SEL1L: variants seen among roughly 807,000 people sequenced by gnomAD.
SEL1L encodes the protein protein sel-1 homolog 1.
A neutral mutation model predicts 109.8 loss-of-function variants in SEL1L; 52 were observed. The observed-to-expected ratio is 0.47, with a 90% confidence interval of 0.38 to 0.60. SEL1L has a LOEUF of 0.60. Among genes scored for constraint, SEL1L ranks in the 20% least tolerant of loss-of-function variants. The probability of loss-of-function intolerance (pLI) is 0.00; values close to 1 mark genes in which losing one functional copy is unlikely to be tolerated. For synonymous variants in SEL1L, 373 were observed against 339.6 expected (o/e 1.10, Z -1.08); for missense variants, 749 against 962.2 (o/e 0.78, Z 2.93).
intron 3 of SEL1L, among the ~76,000 whole-genome samples, chr14:81,521,971 G>A (rs1884922607): frequency 6.6e-6 from 1 of 152,012 alleles, no homozygotes; most frequent in Non-Finnish European, 1.5e-5. Flanking sequence ...GTAGGCGTAG[G>A]CTAATGTGTA....
At chr14:81,502,968 A>C (rs1884075267) in intron 5 of SEL1L, 85 bp from the exon 6 acceptor site, 2 of 1,069,022 alleles carry the variant, frequency 1.9e-6, no homozygotes, top group African/African-American at 3.2e-5. Flanking sequence ...ACGCAACATA[A>C]ATAATTTCCT....
At chr14:81,490,658 TG>T (rs1883505078) in intron 12 of SEL1L, among the ~76,000 whole-genome samples, 193 bp from the exon 13 acceptor site, 1 of 152,186 alleles carries the variant, frequency 6.6e-6, no homozygotes, top group Non-Finnish European at 1.5e-5. Context: ...CCCAGCACTT[TG>T]GGAGGCCAAG....
At chr14:81,492,028 A>AT (rs201879142) in intron 12 of SEL1L, among the ~76,000 whole-genome samples, 2,214 of 146,344 alleles carry the variant, frequency 0.015, 23 homozygotes, top group Middle Eastern at 0.06. Flanking sequence ...AGCAAACACT[A>AT]TTTTTTTTTT....
At chr14:81,519,313 T>C (rs1323026493) in intron 3 of SEL1L, among the ~76,000 whole-genome samples, 1 of 152,246 alleles carries the variant, frequency 6.6e-6, no homozygotes, top group Non-Finnish European at 1.5e-5. Context: ...TCTTCCACTA[T>C]GACAAATTAT....
At chr14:81,527,965 T>C (rs1885177194) in intron 1 of SEL1L, among the ~76,000 whole-genome samples, 1 of 152,116 alleles carries the variant, frequency 6.6e-6, no homozygotes, top group Non-Finnish European at 1.5e-5. Context: ...AGAAAAGACA[T>C]TAGCTCCATC....
chr14:81,493,506 C>G (rs1190608724), intron 11 of SEL1L, among the ~76,000 whole-genome samples: 3 of 117,042 alleles, frequency 2.6e-5, no homozygotes, highest in African/African-American at 1.0e-4. Context: ...TGAACCCTGT[C>G]TCAAAATAAA....
chr14:81,477,286 T>G (rs777823794), intron 20 of SEL1L, 105 bp from the exon 21 acceptor site: 90 of 933,962 alleles, frequency 9.6e-5, no homozygotes, highest in Non-Finnish European at 1.3e-4. Flanking sequence ...AATAATTTGT[T>G]TTAAAAACGT....
intron 3 of SEL1L, among the ~76,000 whole-genome samples, chr14:81,521,170 T>TA (rs1884893161): frequency 6.6e-6 from 1 of 152,216 alleles, no homozygotes; most frequent in Non-Finnish European, 1.5e-5. Context: ...GTATGAAAGA[T>TA]ACATTTCCTA....
At position 81,517,292 on chromosome 14, in the gene SEL1L, T is replaced by C. The variant is rs75497181; in HGVS notation, c.340+9441A>G. ...CTAAAATGAGGGAAAAGGCAGTGTA[T>C]TGCAGGTGAGGCCTGTAGTTTTTGT... On this transcript the variant is annotated intron_variant, in intron 3 of 20. Transcript: ENST00000336735. Among the ~76,000 whole-genome samples, 740 of 152,298 alleles carry C rather than the reference T, an allele frequency of 4.9e-3. 15 individuals are homozygous for C. Among genetic ancestry groups the C allele is most frequent in the African/African-American group, 0.017 (697 of 41,550 alleles).
In SEL1L at chr14:81,505,338, C is replaced by T. The variant is rs140018429; in HGVS notation, c.508+736G>A. On this transcript the variant is annotated intron_variant, in intron 4 of 20. Coordinates refer to ENST00000336735, the MANE Select transcript of SEL1L (RefSeq NM_005065.6). ...TTATTTTGCTACTGTAAGAACTCAT[C>T]AAAACAAACATTTCATTAGAACCAG... 4.1e-3 allele frequency among the ~76,000 whole-genome samples: 627 copies of T among 152,196 alleles called. 4 individuals carry two copies. The highest frequency in any genetic ancestry group is 0.014 in the African/African-American group (602 of 41,520).
chr14:81,504,199 A>T lies in SEL1L; in HGVS notation c.614+2T>A. 6.4e-7 allele frequency: 1 copy of T among 1,571,036 alleles called. No homozygotes were observed. Among genetic ancestry groups the T allele is most frequent in the Non-Finnish European group, 8.7e-7 (1 of 1,153,924 alleles). On this transcript the variant is annotated splice_donor_variant, in intron 5 of 20. Coordinates refer to ENST00000336735, the MANE Select transcript of SEL1L (RefSeq NM_005065.6). LOFTEE classifies it high-confidence loss of function. ...AAAAGTGGACTTAGCAGTGCTACCTACTCTCTTTTTTGGCTTTTCTTATTG... is the reference window on the plus strand; with the variant it reads ...AAAAGTGGACTTAGCAGTGCTACCTTCTCTCTTTTTTGGCTTTTCTTATTG...
chr14:81,524,670 G>A lies in SEL1L; in HGVS notation c.340+2063C>T, dbSNP rs138764596. On this transcript the variant is annotated intron_variant, in intron 3 of 20. Coordinates refer to ENST00000336735, the MANE Select transcript of SEL1L (RefSeq NM_005065.6). Reference sequence around the variant, plus strand: ...GCAGATCACTTAAGGTCAGGAGTTCGAGACCAGCCTGGCCAACATGGTGAA... The same window carrying A: ...GCAGATCACTTAAGGTCAGGAGTTCAAGACCAGCCTGGCCAACATGGTGAA... Among the ~76,000 whole-genome samples the A allele has an allele frequency of 6.7e-3, 1,023 of 152,286 alleles. 13 individuals are homozygous for A. Among genetic ancestry groups the A allele is most frequent in the African/African-American group, 0.022 (926 of 41,566 alleles).
chr14:81,498,441 C>G lies in SEL1L; in HGVS notation c.945G>C (p.Leu315=). 6.2e-7 allele frequency: 1 copy of G among 1,613,848 alleles called. No individual in the cohort carries two copies. ...IGVLQSCESA[L]THYRLVANHV... ...GATTGGCAACAAGACGATAGTGAGT[C>G]AGGGCAGATTCACAACTCTGGAGGA... Residue 315 remains leucine, a synonymous_variant, in exon 9 of 21, where the codon CTG becomes CTC. Coordinates refer to ENST00000336735, the MANE Select transcript of SEL1L (RefSeq NM_005065.6).
intron 1 of SEL1L, among the ~76,000 whole-genome samples, 166 bp downstream of exon 1, chr14:81,533,509 G>T (rs1337384841): frequency 6.6e-6 from 1 of 152,180 alleles, no homozygotes; most frequent in Non-Finnish European, 1.5e-5. Context: ...TTCCTAAATA[G>T]CCCCTTTGGC....
intron 8 of SEL1L, chr14:81,499,075 A>T: frequency 1.1e-6 from 1 of 896,948 alleles, no homozygotes. Flanking sequence ...ATAATATTTC[A>T]TGTTGTTTTT....
chr14:81,480,392 T>C (rs935104552), intron 19 of SEL1L, among the ~76,000 whole-genome samples: 2 of 152,152 alleles, frequency 1.3e-5, no homozygotes, highest in Non-Finnish European at 2.9e-5. Flanking sequence ...GGTTTCACCG[T>C]GTTCGCCAGG....
At chr14:81,522,153 TAA>T (rs1423320182) in intron 3 of SEL1L, among the ~76,000 whole-genome samples, 3 of 152,130 alleles carry the variant, frequency 2.0e-5, no homozygotes, top group Non-Finnish European at 4.4e-5. Context: ...AGCTAAAACA[TAA>T]AAGTTTATAA....
At chr14:81,518,659 TAAAAAAAAAAA>T (rs35790401) in intron 3 of SEL1L, among the ~76,000 whole-genome samples, 3 of 84,492 alleles carry the variant, frequency 3.6e-5, no homozygotes, top group Admixed American at 1.4e-4. Flanking sequence ...AGACTTCGTC[TAAAAAAAAAAA>T]AAAAAAAAAA....
At position 81,512,140 on chromosome 14, in the gene SEL1L, T is replaced by G. The variant is rs1884504840; in HGVS notation, c.341-5899A>C. On this transcript the variant is annotated intron_variant, in intron 3 of 20. Transcript: ENST00000336735. ...TTCTGGAAGTTTCTATGAAGGTGAT[T>G]TTTGGATGAAATTATTTAAATTGGT... Among the ~76,000 whole-genome samples the G allele has an allele frequency of 1.3e-5, 2 of 151,814 alleles. 1 individual carries two copies. The highest frequency in any genetic ancestry group is 4.1e-4 in the South Asian group (2 of 4,834).
Sources: allele counts gnomAD v4.1 joint callset (sites outside exome capture counted in the v4.1 genomes callset), GRCh38; gene constraint gnomAD v4.1.1; transcripts MANE v1.5; gene names NCBI Gene and HGNC (gene_info 2026-07-23, HGNC 2026-07-21).